The following BBS9 variants were observed in gnomAD, a reference collection of about 807,000 sequenced individuals.
BBS9 encodes Bardet-Biedl syndrome 9.
A neutral mutation model predicts 117.7 loss-of-function variants in BBS9; 89 were observed. The observed-to-expected ratio is 0.76, with a 90% CI of 0.64 to 0.90. The LOEUF is 0.90. Among genes scored for constraint, BBS9 ranks in the 40% least tolerant of loss-of-function variants. BBS9 has a pLI of 0.00. For synonymous variants in BBS9, 379 were observed against 370.9 expected, an observed-to-expected ratio of 1.02 and a Z score of -0.25; for missense variants, 982 against 1,042.2, an observed-to-expected ratio of 0.94 and a Z score of 0.80.
At chr7:33,532,161 T>C (rs1320976326) in intron 20 of BBS9, among the ~76,000 whole-genome samples, 1 of 152,204 alleles carries the variant, frequency 6.6e-6, no homozygotes, top group Non-Finnish European at 1.5e-5. Flanking sequence ...TGGCAATGCC[T>C]GAGCAAGTCA....
intron 19 of BBS9, among the ~76,000 whole-genome samples, chr7:33,491,304 A>G (rs2128994291): frequency 6.6e-6 from 1 of 152,320 alleles, no homozygotes; most frequent in South Asian, 2.1e-4. Context: ...CAAAGCTACC[A>G]CATTAAATGT....
intron 5 of BBS9, among the ~76,000 whole-genome samples, chr7:33,216,416 T>C (rs1789076750): frequency 6.6e-6 from 1 of 152,166 alleles, no homozygotes; most frequent in African/African-American, 2.4e-5. Context: ...AAGGGATTAG[T>C]GTGTCTGCAC....
chr7:33,597,819 A>G (rs1250548754), intron 21 of BBS9, among the ~76,000 whole-genome samples: 5 of 151,688 alleles, frequency 3.3e-5, no homozygotes, highest in African/African-American at 1.2e-4. Flanking sequence ...TTAAACCTAA[A>G]GCTACAGTTC....
intron 20 of BBS9, among the ~76,000 whole-genome samples, chr7:33,530,225 T>G (rs1850363057): frequency 6.6e-6 from 1 of 152,228 alleles, no homozygotes. Context: ...TGTATTTTAG[T>G]GGCAATCTTT....
chr7:33,429,720 T>C (rs1447644804), intron 19 of BBS9, among the ~76,000 whole-genome samples: 1 of 152,192 alleles, frequency 6.6e-6, no homozygotes, highest in Non-Finnish European at 1.5e-5. Context: ...AAAAGGTAGA[T>C]GGTTGACTAA....
At chr7:33,458,787 C>T (rs917632355) in intron 19 of BBS9, among the ~76,000 whole-genome samples, 2 of 152,190 alleles carry the variant, frequency 1.3e-5, no homozygotes, top group Middle Eastern at 3.4e-3. Flanking sequence ...TTTCACACCC[C>T]GAATACATTA....
intron 2 of BBS9, among the ~76,000 whole-genome samples, 167 bp from the exon 3 acceptor site, chr7:33,152,534 G>A (rs895986281): frequency 6.6e-6 from 1 of 152,170 alleles, no homozygotes; most frequent in Non-Finnish European, 1.5e-5. Context: ...ATTAAAATAA[G>A]TACTCTTTAA....
chr7:33,138,750 TA>T (rs1262084838), intron 1 of BBS9, among the ~76,000 whole-genome samples: 1 of 150,582 alleles, frequency 6.6e-6, no homozygotes, highest in African/African-American at 2.4e-5. Context: ...GACTGGCTAA[TA>T]TTTTTTTTTT....
intron 5 of BBS9, among the ~76,000 whole-genome samples, chr7:33,211,455 C>G (rs1270737204): frequency 1.3e-5 from 2 of 150,962 alleles, no homozygotes; most frequent in Admixed American, 1.3e-4. Flanking sequence ...AAACTCTACA[C>G]TTTAACTTCA....
At chr7:33,449,869 A>T (rs982084138) in intron 19 of BBS9, among the ~76,000 whole-genome samples, 25 of 152,190 alleles carry the variant, frequency 1.6e-4, no homozygotes, top group African/African-American at 6.0e-4. Context: ...TAAAGATATT[A>T]AAAAAGACAC....
At chr7:33,315,674 G>A (rs887266360) in intron 9 of BBS9, among the ~76,000 whole-genome samples, 2 of 152,150 alleles carry the variant, frequency 1.3e-5, no homozygotes, top group African/African-American at 4.8e-5. Context: ...ATAATATAGA[G>A]TTAAAATGTT....
At position 33,129,646 on chromosome 7, in the gene BBS9, C is replaced by T. The variant is rs3750123; in HGVS notation, c.-407C>T. The stretch of plus-strand genomic sequence containing the variant: ...TGCGGCCGTCGGGTTTCTGCTACAT[C>T]CCATTCACCGCCTCCTCCATCCTTT... On this transcript the variant is annotated 5_prime_UTR_variant, in exon 1 of 23. Coordinates refer to ENST00000242067, the MANE Select transcript of BBS9 (RefSeq NM_198428.3). The T allele has an allele frequency of 6.5e-6, 1 of 152,968 alleles. No homozygotes were observed. Among genetic ancestry groups the T allele is most frequent in the Admixed American group, 6.5e-5 (1 of 15,290 alleles). 9.5% of individuals were successfully genotyped at this position (152,968 alleles called of 1,614,324 possible).
chr7:33,530,205 G>A (rs1417659102), intron 20 of BBS9, among the ~76,000 whole-genome samples: 6 of 152,156 alleles, frequency 3.9e-5, no homozygotes, highest in Non-Finnish European at 7.4e-5. Flanking sequence ...GTCCCTCCAA[G>A]TAATAACTCT....
chr7:33,193,643 T>C (rs987519662), intron 5 of BBS9, among the ~76,000 whole-genome samples: 4 of 152,144 alleles, frequency 2.6e-5, no homozygotes, highest in African/African-American at 4.8e-5. Context: ...GCAGTGTGTC[T>C]GCTTATCACC....
At chr7:33,222,002 T>G (rs1790341736) in intron 5 of BBS9, among the ~76,000 whole-genome samples, 1 of 152,190 alleles carries the variant, frequency 6.6e-6, no homozygotes, top group Non-Finnish European at 1.5e-5. Context: ...TACTGTTATA[T>G]ATACACACAG....
chr7:33,461,152 C>A (rs1318134721), intron 19 of BBS9, among the ~76,000 whole-genome samples: 3 of 151,840 alleles, frequency 2.0e-5, no homozygotes. Context: ...GATATTTGGG[C>A]TATTTCCACC....
intron 18 of BBS9, among the ~76,000 whole-genome samples, chr7:33,385,886 T>C (rs181670415): frequency 1.8e-4 from 27 of 152,250 alleles, no homozygotes; most frequent in African/African-American, 5.8e-4. Flanking sequence ...ATTTTTTTGC[T>C]CAAGGGAATA....
intron 19 of BBS9, among the ~76,000 whole-genome samples, chr7:33,471,243 G>A (rs888069814): frequency 5.9e-5 from 9 of 152,176 alleles, no homozygotes; most frequent in South Asian, 2.1e-4. Flanking sequence ...AATGCTGCAA[G>A]TGATGGTCTT....
At chr7:33,207,707 A>G (rs1361698324) in intron 5 of BBS9, among the ~76,000 whole-genome samples, 1 of 152,212 alleles carries the variant, frequency 6.6e-6, no homozygotes, top group Non-Finnish European at 1.5e-5. Context: ...TTTCAGGGAC[A>G]GTGCTAGAAA....
Sources: allele counts gnomAD v4.1 joint callset (sites outside exome capture counted in the v4.1 genomes callset), GRCh38; gene constraint gnomAD v4.1.1; transcripts MANE v1.5; gene names NCBI Gene and HGNC (gene_info 2026-07-23, HGNC 2026-07-21).